The following TNIK variants were observed in gnomAD, a reference collection of about 807,000 sequenced individuals.
The protein encoded by TNIK is TRAF2 and NCK-interacting protein kinase.
In TNIK, 49 loss-of-function variants were observed where a neutral mutation model predicts 191.3. That is an observed-to-expected ratio of 0.26 (90% CI 0.20 to 0.32). The LOEUF (loss-of-function observed/expected upper bound fraction) is 0.32. Among genes scored for constraint, TNIK ranks in the 10% least tolerant of loss-of-function variants. The pLI, the probability that TNIK is intolerant of heterozygous loss-of-function variation, is 1.00. For missense variants in TNIK, 1,155 were observed against 1,702.3 expected (o/e 0.68, Z 5.66); for synonymous variants, 594 against 600.9 (o/e 0.99, Z 0.17).
intron 21 of TNIK, among the ~76,000 whole-genome samples, chr3:171,102,377 A>T (rs1004791893): frequency 7.2e-5 from 11 of 152,214 alleles, no homozygotes; most frequent in African/African-American, 2.7e-4. Context: ...CAAAAGGAAG[A>T]GATAATTTTG....
At chr3:171,437,234 A>C (rs992061790) in intron 1 of TNIK, among the ~76,000 whole-genome samples, 2 of 152,226 alleles carry the variant, frequency 1.3e-5, no homozygotes, top group African/African-American at 4.8e-5. Context: ...ACCCAAGCTT[A>C]GTAGGAGGTA....
At chr3:171,383,084 G>A (rs1334002503) in intron 1 of TNIK, among the ~76,000 whole-genome samples, 11 of 152,140 alleles carry the variant, frequency 7.2e-5, no homozygotes, top group Admixed American at 7.2e-4. Context: ...GAGGCTACAA[G>A]AGCCTCCAAT....
At chr3:171,213,788 C>G (rs1741144041) in intron 3 of TNIK, among the ~76,000 whole-genome samples, 1 of 152,044 alleles carries the variant, frequency 6.6e-6, no homozygotes, top group African/African-American at 2.4e-5. Flanking sequence ...GGGTACCATT[C>G]CTTTCTGGCT....
At chr3:171,426,588 T>A (rs187134266) in intron 1 of TNIK, among the ~76,000 whole-genome samples, 3 of 152,216 alleles carry the variant, frequency 2.0e-5, no homozygotes, top group Non-Finnish European at 4.4e-5. Context: ...TTGGAATGTA[T>A]ACAAAATTAT....
intron 1 of TNIK, among the ~76,000 whole-genome samples, chr3:171,380,269 G>A (rs911267550): frequency 6.6e-6 from 1 of 152,146 alleles, no homozygotes; most frequent in African/African-American, 2.4e-5. Context: ...GCAAAACGAG[G>A]TGGAAATGAT....
intron 2 of TNIK, among the ~76,000 whole-genome samples, chr3:171,354,208 A>G (rs575426808): frequency 9.2e-5 from 14 of 152,306 alleles, no homozygotes; most frequent in Non-Finnish European, 1.6e-4. Flanking sequence ...TTAAAAAACT[A>G]ATTTTCAGCA....
intron 1 of TNIK, among the ~76,000 whole-genome samples, chr3:171,451,765 A>G (rs1426343937): frequency 1.3e-5 from 2 of 152,174 alleles, no homozygotes; most frequent in East Asian, 3.9e-4. Context: ...TGTTGTCTTC[A>G]GCTCAGCCCC....
chr3:171,423,923 A>G (rs373222124), intron 1 of TNIK, among the ~76,000 whole-genome samples: 1 of 152,180 alleles, frequency 6.6e-6, no homozygotes, highest in Admixed American at 6.5e-5. Context: ...ATAGGCATGG[A>G]CAAGGACTTC....
intron 2 of TNIK, among the ~76,000 whole-genome samples, chr3:171,257,953 G>C (rs1747086203): frequency 1.3e-5 from 2 of 152,202 alleles, no homozygotes; most frequent in South Asian, 4.1e-4. Context: ...ACAAGTCACA[G>C]AGCCTTTTAT....
At position 171,305,463 on chromosome 3, in the gene TNIK, C is replaced by T. The variant is rs562273739; in HGVS notation, c.123+64157G>A. ...TGGGAGAAAATATTTCTGAACTATACATCTAACGAAGTCTAATATCCAGAA... is the reference window on the plus strand; with the variant it reads ...TGGGAGAAAATATTTCTGAACTATATATCTAACGAAGTCTAATATCCAGAA... On this transcript the variant is annotated intron_variant, in intron 2 of 32. Coordinates refer to ENST00000436636, the MANE Select transcript of TNIK (RefSeq NM_015028.4). 8.5e-5 allele frequency among the ~76,000 whole-genome samples: 13 copies of T among 152,264 alleles called. No homozygotes were observed. The South Asian group carries it at 2.1e-3, about 24-fold the overall frequency.
intron 2 of TNIK, among the ~76,000 whole-genome samples, chr3:171,344,026 C>T (rs1017941441): frequency 2.4e-4 from 37 of 152,320 alleles, no homozygotes; most frequent in Middle Eastern, 6.8e-3. Flanking sequence ...CATTGCTCAA[C>T]TTAGTTCTTA....
intron 1 of TNIK, among the ~76,000 whole-genome samples, chr3:171,413,222 A>T (rs78924316): frequency 3.5e-4 from 53 of 152,310 alleles, no homozygotes; most frequent in African/African-American, 1.2e-3. Context: ...CTTAAATCTG[A>T]TTCCAAATTA....
At chr3:171,443,524 A>G (rs1727098393) in intron 1 of TNIK, among the ~76,000 whole-genome samples, 2 of 152,178 alleles carry the variant, frequency 1.3e-5, no homozygotes, top group Admixed American at 6.6e-5. Context: ...TAGAGCAGTT[A>G]GTATTCCCGA....
chr3:171,387,615 T>A (rs146134979), intron 1 of TNIK, among the ~76,000 whole-genome samples: 1 of 152,200 alleles, frequency 6.6e-6, no homozygotes, highest in African/African-American at 2.4e-5. Context: ...TAGGAAGAGA[T>A]GGATTTTGTG....
chr3:171,241,025 T>C (rs957502227), intron 2 of TNIK, among the ~76,000 whole-genome samples: 2 of 147,014 alleles, frequency 1.4e-5, no homozygotes, highest in East Asian at 3.9e-4. Flanking sequence ...TGTTTCTTTT[T>C]TTTTCTTTTC....
intron 1 of TNIK, among the ~76,000 whole-genome samples, chr3:171,401,066 T>C (rs16856291): frequency 6.6e-6 from 1 of 152,086 alleles, no homozygotes; most frequent in Non-Finnish European, 1.5e-5. Flanking sequence ...AGGGGGTCAA[T>C]GAAAACTGAG....
intron 12 of TNIK, among the ~76,000 whole-genome samples, chr3:171,145,999 T>C (rs983376333): frequency 6.6e-6 from 1 of 152,216 alleles, no homozygotes; most frequent in African/African-American, 2.4e-5. Flanking sequence ...TTGCACTACT[T>C]ACTAGGCAAG....
At chr3:171,325,182 C>G (rs1414725555) in intron 2 of TNIK, among the ~76,000 whole-genome samples, 1 of 152,244 alleles carries the variant, frequency 6.6e-6, no homozygotes, top group Middle Eastern at 3.4e-3. Flanking sequence ...AAGCCTTTCT[C>G]TCTGCAAACA....
At chr3:171,343,446 C>G (rs1174523928) in intron 2 of TNIK, among the ~76,000 whole-genome samples, 3 of 152,208 alleles carry the variant, frequency 2.0e-5, no homozygotes, top group Admixed American at 1.3e-4. Context: ...TGTTGGTCAC[C>G]TTCACTGGGG....
Sources: gnomAD v4.1 joint callset for allele counts (sites outside exome capture counted in the v4.1 genomes callset) on GRCh38, gnomAD v4.1.1 for gene constraint, MANE v1.5 for transcripts, NCBI Gene and HGNC (gene_info 2026-07-23, HGNC 2026-07-21) for gene names.